The following NAV1 variants were observed in gnomAD, a reference collection of about 807,000 sequenced individuals.
NAV1 encodes neuron navigator 1.
Under a neutral mutation model 175.2 loss-of-function variants are expected in NAV1, and 18 were observed. That is an observed-to-expected ratio of 0.10 (90% CI 0.07 to 0.15). NAV1 has a LOEUF of 0.15. NAV1 is among the 10% of genes least tolerant of loss of function. The pLI is 1.00. For missense variants in NAV1, 1,731 were observed against 2,436.6 expected (o/e 0.71, Z 6.10); for synonymous variants, 897 against 978.7 (o/e 0.92, Z 1.56).
At chr1:201,689,555 C>T (rs986194150) in intron 1 of NAV1, among the ~76,000 whole-genome samples, 1 of 152,192 alleles carries the variant, frequency 6.6e-6, no homozygotes, top group Non-Finnish European at 1.5e-5. Flanking sequence ...TTCCTACTTA[C>T]AAGAGTAGCA....
In NAV1 at chr1:201,790,592, C is replaced by A. The variant is rs748544917; in HGVS notation, c.3243+15C>A. 6.2e-6 allele frequency: 10 copies of A among 1,613,964 alleles called. No individual in the cohort carries two copies. Among genetic ancestry groups the A allele is most frequent in the Non-Finnish European group, 8.5e-6 (10 of 1,180,012 alleles). ...TGCAATCTGAGGTAGGGTGGAAAGC[C>A]TTTGTCTCTGCTTGTTAACATCACT... On this transcript the variant is annotated intron_variant, in intron 12 of 29. Coordinates refer to ENST00000367296, the Ensembl canonical transcript of NAV1.
chr1:201,812,728 G>A lies in NAV1; in HGVS notation c.5221+67G>A. 1 of 1,393,494 alleles carries A rather than the reference G, an allele frequency of 7.2e-7. No homozygotes were observed. 86.3% of individuals were successfully genotyped at this position (1,393,494 alleles called of 1,614,324 possible). On this transcript the variant is annotated intron_variant, in intron 27 of 29. Transcript: ENST00000367296. The surrounding 1 kb of genome is among the most constrained non-coding windows in gnomAD (Gnocchi z 4.6). Reference sequence around the variant, plus strand: ...CCCTTTTCCACTGTACCACCTGGAGGGATGCTCCCTTCTCTTCCTGGAGTC... The same window carrying A: ...CCCTTTTCCACTGTACCACCTGGAGAGATGCTCCCTTCTCTTCCTGGAGTC...
At chr1:201,676,089 C>T (rs920262221) in intron 1 of NAV1, among the ~76,000 whole-genome samples, 10 of 152,192 alleles carry the variant, frequency 6.6e-5, no homozygotes, top group African/African-American at 2.4e-4. Context: ...CTGGCCGGTT[C>T]TGCTTCCTAC....
exon 30 of NAV1, chr1:201,823,213 A>G (rs139887890): frequency 0.012 from 1,824 of 152,660 alleles, 15 homozygotes; most frequent in Non-Finnish European, 0.021. Context: ...GAGAGCCACA[A>G]CTCCAGGAGA....
At chr1:201,609,246 T>C (rs1037475052) in intron 2 of NAV1, among the ~76,000 whole-genome samples, 1 of 152,184 alleles carries the variant, frequency 6.6e-6, no homozygotes, top group Non-Finnish European at 1.5e-5. Context: ...ATTGCTAGTG[T>C]AGCCAGCCTG....
chr1:201,573,231 C>A (rs1280158881), intron 1 of NAV1, among the ~76,000 whole-genome samples: 1 of 152,238 alleles, frequency 6.6e-6, no homozygotes, highest in Non-Finnish European at 1.5e-5. Flanking sequence ...CAAGTCGAGG[C>A]AGGCCACAGG....
exon 7 of NAV1, chr1:201,783,673 C>T (rs765341778): frequency 6.2e-7 from 1 of 1,614,114 alleles, no homozygotes; most frequent in Admixed American, 1.7e-5. Context: ...CCCGCATGTA[C>T]CCCAAACTCT....
At chr1:201,821,854 TTCAGGAC>T (rs1188870113) in exon 30 of NAV1, 3 of 152,186 alleles carry the variant, frequency 2.0e-5, no homozygotes, top group Admixed American at 2.0e-4. Context: ...AGGCTGAAGC[TTCAGGAC>T]TCTGCAGGTC....
At chr1:201,768,057 G>A (rs1675321160) in intron 3 of NAV1, among the ~76,000 whole-genome samples, 1 of 152,196 alleles carries the variant, frequency 6.6e-6, no homozygotes, top group Non-Finnish European at 1.5e-5. Context: ...GGGCATGGTG[G>A]CTTATGCCTG....
At chr1:201,735,224 G>A (rs1673063424) in intron 3 of NAV1, among the ~76,000 whole-genome samples, 1 of 152,198 alleles carries the variant, frequency 6.6e-6, no homozygotes, top group Non-Finnish European at 1.5e-5. Context: ...GCCATTGACT[G>A]GTAAAAAGAA....
At chr1:201,790,115 T>C (rs1438925924) in intron 11 of NAV1, among the ~76,000 whole-genome samples, 1 of 152,050 alleles carries the variant, frequency 6.6e-6, no homozygotes, top group African/African-American at 2.4e-5. Flanking sequence ...TTTATGAAGG[T>C]GAGATGAATA....
intron 1 of NAV1, among the ~76,000 whole-genome samples, chr1:201,712,100 G>GT (rs1008820957): frequency 6.6e-6 from 1 of 152,178 alleles, no homozygotes; most frequent in Non-Finnish European, 1.5e-5. Context: ...CTCACTTCAA[G>GT]CTCCAGAAAA....
At chr1:201,628,861 GGGAGTCACT>G (rs1668409912) in intron 1 of NAV1, among the ~76,000 whole-genome samples, 1 of 152,130 alleles carries the variant, frequency 6.6e-6, no homozygotes, top group African/African-American at 2.4e-5. Context: ...CTGTCCTCCC[GGGAGTCACT>G]GTGATTGCAG....
intron 1 of NAV1, among the ~76,000 whole-genome samples, chr1:201,699,675 A>G (rs1161432464): frequency 1.3e-5 from 2 of 152,236 alleles, no homozygotes; most frequent in African/African-American, 4.8e-5. Flanking sequence ...GCATCATGCT[A>G]CCTGACTTCA....
intron 1 of NAV1, chr1:201,688,416 G>A (rs2102411154): frequency 6.6e-6 from 1 of 152,378 alleles, no homozygotes; most frequent in South Asian, 2.1e-4. Context: ...TGAAGAATCT[G>A]TTGAATGAAA....
At chr1:201,622,932 C>T (rs1668218654) in exon 1 of NAV1, 4 of 986,422 alleles carry the variant, frequency 4.1e-6, no homozygotes, top group Non-Finnish European at 4.8e-6. Context: ...CTCACTACGC[C>T]TCCGCCATCC....
chr1:201,712,801 C>T lies in NAV1; in HGVS notation c.758-16C>T. 4 of 1,582,456 alleles carry T rather than the reference C, an allele frequency of 2.5e-6. No individual in the cohort carries two copies. The highest frequency in any genetic ancestry group is 3.5e-6 in the Non-Finnish European group (4 of 1,151,370). ...GTTCTCTTCACTCACCCAGCTCTTC[C>T]TTCTCTCCCTACCAGACCCAGAGTC... On this transcript the variant is annotated splice_polypyrimidine_tract_variant and intron_variant, in intron 1 of 29. Coordinates refer to ENST00000367296, the Ensembl canonical transcript of NAV1.
chr1:201,555,583 C>T (rs1407322304), intron 1 of NAV1, among the ~76,000 whole-genome samples: 1 of 152,026 alleles, frequency 6.6e-6, no homozygotes, highest in Non-Finnish European at 1.5e-5. Context: ...GAACTCAGCC[C>T]TCTTCTCCTG....
At position 201,592,508 on chromosome 1, in the gene NAV1, C is replaced by T. The variant is rs141496368; in HGVS notation, c.-33+3859C>T. The stretch of plus-strand genomic sequence containing the variant: ...TGCTGCGGCCCTAACCAGGGTTTCC[C>T]GACTTCCAGGCTGGTGCTCTGTAGG... On this transcript the variant is annotated intron_variant, in intron 2 of 33. Transcript: ENST00000685211. 2.4e-3 allele frequency among the ~76,000 whole-genome samples: 360 copies of T among 152,274 alleles called. 2 individuals are homozygous for T. Among genetic ancestry groups the T allele is most frequent in the African/African-American group, 8.1e-3 (336 of 41,548 alleles).
Sources: allele counts gnomAD v4.1 joint callset (sites outside exome capture counted in the v4.1 genomes callset), GRCh38; gene constraint gnomAD v4.1.1; non-coding constraint Gnocchi (gnomAD v3.1); transcripts MANE v1.5; gene names NCBI Gene and HGNC (gene_info 2026-07-23, HGNC 2026-07-21).